The following RPS6KC1 variants were observed in gnomAD, a reference collection of about 807,000 sequenced individuals.
RPS6KC1 encodes inactive ribosomal protein S6 kinase delta-1.
RPS6KC1 carries 54 observed loss-of-function variants against 103.8 expected under a neutral mutation model. That is an observed-to-expected ratio of 0.52 (90% CI 0.42 to 0.65). The LOEUF is 0.65. Among genes scored for constraint, RPS6KC1 ranks in the 30% least tolerant of loss-of-function variants. The pLI, the probability that RPS6KC1 is intolerant of heterozygous loss-of-function variation, is 0.00. For missense variants in RPS6KC1, 1,151 were observed against 1,253.8 expected, an observed-to-expected ratio of 0.92 and a Z score of 1.24; for synonymous variants, 439 against 438.7, an observed-to-expected ratio of 1.00 and a Z score of -0.01.
chr1:213,651,925 T>C, the RPS6KC1 span, among the ~76,000 whole-genome samples: 1 of 152,194 alleles, frequency 6.6e-6, no homozygotes, highest in African/African-American at 2.4e-5. Context: ...GAGGGTACCA[T>C]TCAGGCCTCA....
intron 8 of RPS6KC1, among the ~76,000 whole-genome samples, chr1:213,199,278 A>G (rs942075915): frequency 4.6e-5 from 7 of 152,220 alleles, no homozygotes; most frequent in African/African-American, 1.7e-4. Context: ...GCACCACATT[A>G]AAAAGCTTAT....
the RPS6KC1 span, among the ~76,000 whole-genome samples, chr1:213,838,568 AT>A: frequency 6.6e-6 from 1 of 151,600 alleles, no homozygotes; most frequent in South Asian, 2.1e-4. Flanking sequence ...CTACCTTCCG[AT>A]TTGTATTTTT....
At chr1:213,689,163 TCTC>T in the RPS6KC1 span, among the ~76,000 whole-genome samples, 1 of 152,164 alleles carries the variant, frequency 6.6e-6, no homozygotes, top group East Asian at 1.9e-4. Context: ...CTGAAGCTCT[TCTC>T]CTCCCTCTTT....
the RPS6KC1 span, among the ~76,000 whole-genome samples, chr1:213,413,682 G>A: frequency 6.6e-6 from 1 of 152,188 alleles, no homozygotes; most frequent in African/African-American, 2.4e-5. Context: ...CCAAGAGAGT[G>A]CAAAGCAGAA....
chr1:213,473,886 T>C, the RPS6KC1 span, among the ~76,000 whole-genome samples: 2 of 152,064 alleles, frequency 1.3e-5, no homozygotes, highest in African/African-American at 4.8e-5. Context: ...GAGTGGGAAG[T>C]GCATTTCAGA....
At chr1:213,711,987 G>T in the RPS6KC1 span, among the ~76,000 whole-genome samples, 2 of 152,208 alleles carry the variant, frequency 1.3e-5, no homozygotes, top group African/African-American at 4.8e-5. Flanking sequence ...AGGAGGCACA[G>T]GGGTCAGGGA....
At chr1:213,638,930 T>A in the RPS6KC1 span, among the ~76,000 whole-genome samples, 1 of 152,052 alleles carries the variant, frequency 6.6e-6, no homozygotes, top group Admixed American at 6.6e-5. Context: ...TAAATCTATA[T>A]CTCAATTTAG....
the RPS6KC1 span, among the ~76,000 whole-genome samples, chr1:213,753,059 G>A: frequency 6.6e-6 from 1 of 152,146 alleles, no homozygotes; most frequent in South Asian, 2.1e-4. Flanking sequence ...CATGCATCAG[G>A]ACACAGGTTA....
At chr1:213,617,973 G>A in the RPS6KC1 span, among the ~76,000 whole-genome samples, 1 of 152,076 alleles carries the variant, frequency 6.6e-6, no homozygotes, top group Admixed American at 6.5e-5. Context: ...TTGTGGAATT[G>A]GTTCTTCCTT....
the RPS6KC1 span, among the ~76,000 whole-genome samples, chr1:213,560,819 G>C: frequency 6.6e-6 from 1 of 152,338 alleles, no homozygotes; most frequent in South Asian, 2.1e-4. Context: ...TTGTGTCACA[G>C]TTGGGGGAAT....
At chr1:213,604,866 TGA>T in the RPS6KC1 span, among the ~76,000 whole-genome samples, 1 of 152,098 alleles carries the variant, frequency 6.6e-6, no homozygotes, top group Non-Finnish European at 1.5e-5. Context: ...GGCAAGTGTG[TGA>T]GTCAGTGGGT....
chr1:213,304,829 G>C, the RPS6KC1 span, among the ~76,000 whole-genome samples: 121 of 152,146 alleles, frequency 8.0e-4, no homozygotes, highest in African/African-American at 2.8e-3. Context: ...GCGTGAGCCA[G>C]CATGCCCAGC....
At chr1:213,391,505 A>G in the RPS6KC1 span, among the ~76,000 whole-genome samples, 1 of 152,148 alleles carries the variant, frequency 6.6e-6, no homozygotes, top group African/African-American at 2.4e-5. Context: ...TGATTGACAC[A>G]TTGGAATAAT....
the RPS6KC1 span, among the ~76,000 whole-genome samples, chr1:213,620,273 G>T: frequency 1.3e-5 from 2 of 152,228 alleles, no homozygotes; most frequent in Non-Finnish European, 2.9e-5. Flanking sequence ...TTCACACTGG[G>T]TCACTCAATG....
At chr1:213,828,691 C>G in the RPS6KC1 span, among the ~76,000 whole-genome samples, 2 of 152,150 alleles carry the variant, frequency 1.3e-5, no homozygotes, top group African/African-American at 4.8e-5. Context: ...GGCCCAACCC[C>G]TCACACTGGG....
chr1:213,322,351 A>T, the RPS6KC1 span, among the ~76,000 whole-genome samples: 2 of 152,142 alleles, frequency 1.3e-5, no homozygotes, highest in Non-Finnish European at 2.9e-5. Flanking sequence ...GATTTTAAGA[A>T]CTTTGTAGTT....
the RPS6KC1 span, among the ~76,000 whole-genome samples, chr1:213,506,775 T>TA: frequency 7.9e-5 from 12 of 152,216 alleles, no homozygotes; most frequent in Non-Finnish European, 1.5e-4. Context: ...TTTGATGCTA[T>TA]AACTCAACGA....
chr1:213,808,732 C>T, the RPS6KC1 span, among the ~76,000 whole-genome samples: 83 of 152,356 alleles, frequency 5.4e-4, 3 homozygotes, highest in South Asian at 8.5e-3. Flanking sequence ...TTGTGCTTCC[C>T]GAGTGAGGCA....
At chr1:213,311,131 T>A in the RPS6KC1 span, among the ~76,000 whole-genome samples, 2 of 151,430 alleles carry the variant, frequency 1.3e-5, no homozygotes, top group Non-Finnish European at 2.9e-5. Flanking sequence ...TTCTTTTTTT[T>A]AATTTAGGCA....
Sources: gnomAD v4.1 joint callset for allele counts (sites outside exome capture counted in the v4.1 genomes callset) on GRCh38, gnomAD v4.1.1 for gene constraint, MANE v1.5 for transcripts, NCBI Gene and HGNC (gene_info 2026-07-23, HGNC 2026-07-21) for gene names.